EPHA6: variants seen among roughly 807,000 people sequenced by gnomAD.
EPHA6 encodes ephrin type-A receptor 6.
EPHA6 carries 50 observed loss-of-function variants against 112.0 expected under a neutral mutation model. The ratio of observed to expected loss-of-function variants is 0.45; its 90% confidence interval spans 0.36 to 0.56. The LOEUF is 0.56. Ranked by LOEUF, EPHA6 falls within the 20% of genes least tolerant of loss-of-function variation. The pLI is 0.00. For synonymous variants in EPHA6, 529 were observed against 490.7 expected (o/e 1.08, Z -1.03); for missense variants, 1,280 against 1,417.4 (o/e 0.90, Z 1.56).
intron 15 of EPHA6, among the ~76,000 whole-genome samples, chr3:97,734,216 A>G (rs9821117): frequency 0.98 from 149,386 of 152,192 alleles, 73,336 homozygotes; most frequent in East Asian, 0.99. Flanking sequence ...TATTCCATGC[A>G]TTTATAATTA....
At chr3:97,699,787 T>G (rs952971380) in intron 14 of EPHA6, among the ~76,000 whole-genome samples, 1 of 152,318 alleles carries the variant, frequency 6.6e-6, no homozygotes, top group Non-Finnish European at 1.5e-5. Context: ...AACCACTACT[T>G]CCCTTATGCC....
At chr3:97,466,002 A>G (rs1177010565) in intron 7 of EPHA6, among the ~76,000 whole-genome samples, 1 of 151,778 alleles carries the variant, frequency 6.6e-6, no homozygotes, top group Non-Finnish European at 1.5e-5. Context: ...CATCTATGCA[A>G]TTTTTATTAA....
intron 2 of EPHA6, among the ~76,000 whole-genome samples, chr3:96,883,279 A>G (rs1458310381): frequency 6.6e-6 from 1 of 151,480 alleles, no homozygotes; most frequent in Non-Finnish European, 1.5e-5. Flanking sequence ...GGGATTGTTT[A>G]TCTTACAGAT....
At chr3:97,190,519 T>TTA (rs2077273245) in intron 3 of EPHA6, among the ~76,000 whole-genome samples, 1 of 152,086 alleles carries the variant, frequency 6.6e-6, no homozygotes, top group Non-Finnish European at 1.5e-5. Context: ...AACATCCCCT[T>TTA]TATGTGCTGC....
Position 97,676,901 on chromosome 3 carries a change from G to T in EPHA6, c.2784+38819G>T, listed in dbSNP as rs564629403. Among the ~76,000 whole-genome samples, 6 of 152,266 alleles carry T rather than the reference G, an allele frequency of 3.9e-5. No individual in the cohort carries two copies. The South Asian group carries it at 1.2e-3, about 32-fold the overall frequency. ...GGAGAGGTTTGCAGTTTAGAAGAAA[G>T]GATAAGATACGGAATCATCTAGAAG... On this transcript the variant is annotated intron_variant, in intron 14 of 17. Coordinates refer to ENST00000389672, the MANE Select transcript of EPHA6 (RefSeq NM_001080448.3).
intron 10 of EPHA6, among the ~76,000 whole-genome samples, chr3:97,500,404 G>T (rs533165517): frequency 6.6e-6 from 1 of 152,134 alleles, no homozygotes; most frequent in Non-Finnish European, 1.5e-5. Flanking sequence ...AATGGTGGAA[G>T]GTGAAGGGGG....
intron 2 of EPHA6, among the ~76,000 whole-genome samples, chr3:96,903,974 C>G (rs531319541): frequency 2.0e-5 from 3 of 152,082 alleles, no homozygotes; most frequent in Admixed American, 1.3e-4. Flanking sequence ...CTGGAGAGGA[C>G]CTGGAGAAAT....
rs187253164 is a variant in EPHA6, at chr3:97,129,534, A to G, written c.1115-96730A>G. On this transcript the variant is annotated intron_variant, in intron 3 of 17. Coordinates refer to ENST00000389672, the MANE Select transcript of EPHA6 (RefSeq NM_001080448.3). Reference sequence around the variant, plus strand: ...AAAAACAAACAAAAAAAAAAACAACAAAAAAAAGTACAGTGGTAAATTCGG... The same window carrying G: ...AAAAACAAACAAAAAAAAAAACAACGAAAAAAAGTACAGTGGTAAATTCGG... Among the ~76,000 whole-genome samples, 37 of 151,574 alleles carry G rather than the reference A, an allele frequency of 2.4e-4. No homozygotes were observed. The South Asian group carries it at 4.0e-3, about 16-fold the overall frequency.
chr3:97,683,847 GA>G (rs2032047614), intron 14 of EPHA6, among the ~76,000 whole-genome samples: 1 of 152,094 alleles, frequency 6.6e-6, no homozygotes, highest in Non-Finnish European at 1.5e-5. Flanking sequence ...GGAAGAAAAG[GA>G]ATTGTTCATT....
At chr3:97,569,581 GAACATAT>G (rs2093310097) in intron 11 of EPHA6, among the ~76,000 whole-genome samples, 1 of 152,090 alleles carries the variant, frequency 6.6e-6, no homozygotes, top group Non-Finnish European at 1.5e-5. Context: ...AAAACTAACT[GAACATAT>G]ATTTATATTA....
intron 3 of EPHA6, among the ~76,000 whole-genome samples, chr3:97,216,377 C>T (rs558925760): frequency 4.1e-4 from 62 of 152,212 alleles, no homozygotes; most frequent in African/African-American, 1.3e-3. Flanking sequence ...TCCATGATCC[C>T]GTCATCTCCC....
Position 97,111,897 on chromosome 3 carries a change from G to A in EPHA6, c.1115-114367G>A, listed in dbSNP as rs2047735348. The stretch of plus-strand genomic sequence containing the variant: ...GAATGCAGAAAGGTTACAGCCTTGG[G>A]CTCAGTATTTTTAATGTGCAATATT... On this transcript the variant is annotated intron_variant, in intron 3 of 17. Coordinates refer to ENST00000389672, the MANE Select transcript of EPHA6 (RefSeq NM_001080448.3). Among the ~76,000 whole-genome samples the A allele has an allele frequency of 2.6e-5, 4 of 151,990 alleles. No individual in the cohort carries two copies. The South Asian group carries it at 8.3e-4, about 32-fold the overall frequency.
chr3:97,343,385 C>G (rs1481026437), intron 5 of EPHA6, among the ~76,000 whole-genome samples: 1 of 152,042 alleles, frequency 6.6e-6, no homozygotes, highest in African/African-American at 2.4e-5. Flanking sequence ...GAAGCGGCAC[C>G]TTGGTTTTTT....
At chr3:97,614,346 T>A (rs547522597) in intron 13 of EPHA6, among the ~76,000 whole-genome samples, 20 of 148,880 alleles carry the variant, frequency 1.3e-4, no homozygotes, top group Non-Finnish European at 2.5e-4. Context: ...TTTTTTTTTT[T>A]TTTTTTTGAG....
chr3:96,860,487 T>C (rs1292811112), intron 1 of EPHA6, among the ~76,000 whole-genome samples: 2 of 152,132 alleles, frequency 1.3e-5, no homozygotes, highest in African/African-American at 2.4e-5. Flanking sequence ...TAATCTCTTT[T>C]ATCAGGACCA....
chr3:97,085,539 G>T (rs1031389150), intron 3 of EPHA6, among the ~76,000 whole-genome samples: 1 of 152,060 alleles, frequency 6.6e-6, no homozygotes, highest in Non-Finnish European at 1.5e-5. Flanking sequence ...TGTCATATAT[G>T]CTTTATATGA....
intron 10 of EPHA6, among the ~76,000 whole-genome samples, chr3:97,485,556 G>C (rs73851915): frequency 6.6e-6 from 1 of 152,074 alleles, no homozygotes; most frequent in Non-Finnish European, 1.5e-5. Flanking sequence ...GTCTCCCTCT[G>C]AAAGCTGCCA....
chr3:97,587,367 TTG>T (rs760303800), intron 11 of EPHA6, among the ~76,000 whole-genome samples: 2 of 152,204 alleles, frequency 1.3e-5, no homozygotes, highest in Non-Finnish European at 2.9e-5. Context: ...AAATACTCAT[TTG>T]TAAATCATAT....
intron 3 of EPHA6, among the ~76,000 whole-genome samples, chr3:97,192,663 G>T (rs1185333241): frequency 6.6e-6 from 1 of 152,002 alleles, no homozygotes. Flanking sequence ...TGTTTCAGTT[G>T]TCTGTACTTA....
Sources: gnomAD v4.1 joint callset for allele counts (sites outside exome capture counted in the v4.1 genomes callset) on GRCh38, gnomAD v4.1.1 for gene constraint, MANE v1.5 for transcripts, NCBI Gene and HGNC (gene_info 2026-07-23, HGNC 2026-07-21) for gene names.